The following CBLB variants were observed in gnomAD, a reference collection of about 807,000 sequenced individuals.
CBLB encodes the protein E3 ubiquitin-protein ligase CBL-B.
In CBLB, 31 loss-of-function variants were observed where a neutral mutation model predicts 104.9. That is an observed-to-expected ratio of 0.30 (90% CI 0.22 to 0.40). CBLB has a LOEUF of 0.40. Ranked by LOEUF, CBLB falls within the 10% of genes least tolerant of loss-of-function variation. The pLI is 1.00. For missense variants in CBLB, 1,062 were observed against 1,214.6 expected (o/e 0.87, Z 1.87); for synonymous variants, 440 against 422.6 (o/e 1.04, Z -0.51).
intron 16 of CBLB, 98 bp from the exon 17 acceptor site, chr3:105,678,669 T>A (rs1280623310): frequency 1.5e-6 from 2 of 1,343,564 alleles, no homozygotes; most frequent in East Asian, 5.0e-5. Context: ...TTGCTGCTTA[T>A]AAAGAATTTC....
At chr3:105,725,850 C>T (rs1213063113) in intron 9 of CBLB, among the ~76,000 whole-genome samples, 2 of 147,476 alleles carry the variant, frequency 1.4e-5, no homozygotes, top group Non-Finnish European at 3.0e-5. Flanking sequence ...TTTATTTTAT[C>T]TTTTTTTTTT....
At position 105,655,788 on chromosome 3, in the gene CBLB, A is replaced by C. The variant is rs9657918; in HGVS notation, c.*3182T>G. The stretch of plus-strand genomic sequence containing the variant: ...AGCTGAAGAGAGAAACTAAAATTTT[A>C]TCCAAGTTAATTCAGTGCAAATCAA... On this transcript the variant is annotated 3_prime_UTR_variant, in exon 19 of 19. Coordinates refer to ENST00000394030, the MANE Select transcript of CBLB (RefSeq NM_170662.5). The C allele has an allele frequency of 4.7e-6, 1 of 211,662 alleles. No individual in the cohort carries two copies. Among genetic ancestry groups the C allele is most frequent in the Non-Finnish European group, 9.6e-6 (1 of 104,424 alleles). The allele number at this position is 211,662 out of a possible 1,614,324, so 13.1% of individuals were successfully genotyped here.
chr3:105,778,471 C>A (rs1464801783), intron 3 of CBLB, among the ~76,000 whole-genome samples: 1 of 151,774 alleles, frequency 6.6e-6, no homozygotes, highest in Non-Finnish European at 1.5e-5. Flanking sequence ...AAAAAAGATA[C>A]CCATGATCAA....
At chr3:105,838,911 C>T (rs1002977047) in intron 3 of CBLB, among the ~76,000 whole-genome samples, 14 of 152,120 alleles carry the variant, frequency 9.2e-5, no homozygotes, top group African/African-American at 2.2e-4. Flanking sequence ...CCATCACGCC[C>T]GGCCCCCTCT....
intron 17 of CBLB, among the ~76,000 whole-genome samples, chr3:105,676,847 C>CA (rs1039447350): frequency 2.6e-5 from 4 of 152,124 alleles, no homozygotes; most frequent in African/African-American, 9.7e-5. Flanking sequence ...AGTGAGTGCT[C>CA]ATGAGATCTG....
At chr3:105,794,184 T>C (rs2082002423) in intron 3 of CBLB, among the ~76,000 whole-genome samples, 1 of 152,238 alleles carries the variant, frequency 6.6e-6, no homozygotes, top group African/African-American at 2.4e-5. Context: ...AATACACTTG[T>C]AGTGCTTTAA....
intron 16 of CBLB, 134 bp downstream of exon 16, chr3:105,681,345 C>T: frequency 1.2e-6 from 1 of 831,488 alleles, no homozygotes. Context: ...TCACCGGCAC[C>T]TGGAGAACCC....
chr3:105,687,514 C>T (rs2067160077), intron 13 of CBLB, among the ~76,000 whole-genome samples: 1 of 151,936 alleles, frequency 6.6e-6, no homozygotes. Flanking sequence ...ATTGCTAAAA[C>T]TTACTAGTAT....
intron 9 of CBLB, among the ~76,000 whole-genome samples, chr3:105,726,545 CT>C (rs150919735): frequency 0.092 from 12,907 of 141,048 alleles, 606 homozygotes; most frequent in East Asian, 0.29. Context: ...AGCCATTTTC[CT>C]TTTTTTTTTT....
intron 9 of CBLB, among the ~76,000 whole-genome samples, chr3:105,725,521 T>G (rs2073479504): frequency 6.6e-6 from 1 of 152,222 alleles, no homozygotes; most frequent in Non-Finnish European, 1.5e-5. Context: ...AAGCACTTAT[T>G]CTACCAGATT....
At chr3:105,695,352 A>C (rs1203405933) in intron 12 of CBLB, among the ~76,000 whole-genome samples, 1 of 151,868 alleles carries the variant, frequency 6.6e-6, no homozygotes, top group East Asian at 1.9e-4. Context: ...ATCTTTAAAA[A>C]ATACCAATAC....
At chr3:105,666,120 C>T (rs10933829) in intron 18 of CBLB, among the ~76,000 whole-genome samples, 151,765 of 152,300 alleles carry the variant, frequency 1, 75,619 homozygotes, top group East Asian at 1. Flanking sequence ...TTTAATTAGA[C>T]AAAATAATAT....
intron 10 of CBLB, among the ~76,000 whole-genome samples, chr3:105,709,883 AAACTCAAATGC>A (rs1310698030): frequency 2.0e-5 from 3 of 151,962 alleles, no homozygotes; most frequent in African/African-American, 7.2e-5. Flanking sequence ...CCATTACACA[AAACTCAAATGC>A]AAAGAATATT....
At chr3:105,712,708 T>C (rs1396386349) in intron 10 of CBLB, among the ~76,000 whole-genome samples, 1 of 152,212 alleles carries the variant, frequency 6.6e-6, no homozygotes, top group Admixed American at 6.5e-5. Context: ...TGTTGACAAG[T>C]TTGCATTTTC....
chr3:105,718,562 T>A (rs909536505), intron 10 of CBLB, among the ~76,000 whole-genome samples: 1 of 152,180 alleles, frequency 6.6e-6, no homozygotes, highest in African/African-American at 2.4e-5. Context: ...CAGAGATAGA[T>A]GAATACGGTG....
At chr3:105,845,131 TGCAAA>T (rs1424656172) in intron 3 of CBLB, among the ~76,000 whole-genome samples, 1 of 152,106 alleles carries the variant, frequency 6.6e-6, no homozygotes, top group Non-Finnish European at 1.5e-5. Flanking sequence ...GGTATTCCAC[TGCAAA>T]GCCAAGTTCA....
intron 3 of CBLB, among the ~76,000 whole-genome samples, chr3:105,799,814 T>C (rs1366822018): frequency 6.6e-6 from 1 of 152,174 alleles, no homozygotes; most frequent in Non-Finnish European, 1.5e-5. Context: ...CTAGAAAATG[T>C]GGACAAGTTA....
At chr3:105,704,294 C>T in intron 10 of CBLB, 121 bp from the exon 11 acceptor site, 1 of 897,282 alleles carries the variant, frequency 1.1e-6, no homozygotes, top group Non-Finnish European at 1.8e-6. Flanking sequence ...AAAATGAATT[C>T]CCTTAGTTTA....
intron 3 of CBLB, among the ~76,000 whole-genome samples, chr3:105,838,249 ATTTTTTTTT>A (rs55769611): frequency 1.8e-5 from 1 of 55,992 alleles, no homozygotes; most frequent in Non-Finnish European, 3.1e-5. Context: ...ACACCTGGCT[ATTTTTTTTT>A]TTTTTTTTTT....
Sources: gnomAD v4.1 joint callset for allele counts (sites outside exome capture counted in the v4.1 genomes callset) on GRCh38, gnomAD v4.1.1 for gene constraint, MANE v1.5 for transcripts, NCBI Gene and HGNC (gene_info 2026-07-23, HGNC 2026-07-21) for gene names.